The following PLCB1 variants were observed in gnomAD, a reference collection of about 807,000 sequenced individuals.
PLCB1 encodes the protein phospholipase C beta 1, also known as 1-phosphatidylinositol 4,5-bisphosphate phosphodiesterase beta-1.
A neutral mutation model predicts 161.8 loss-of-function variants in PLCB1; 46 were observed. The observed-to-expected ratio is 0.28, with a 90% CI of 0.22 to 0.36. The LOEUF (loss-of-function observed/expected upper bound fraction) is 0.36, where lower values mean the gene tolerates loss of function less well. PLCB1 is among the 10% of genes least tolerant of loss of function. The pLI is 1.00. For synonymous variants in PLCB1, 517 were observed against 503.7 expected, an observed-to-expected ratio of 1.03 and a Z score of -0.35; for missense variants, 1,016 against 1,472.5, an observed-to-expected ratio of 0.69 and a Z score of 5.07.
chr20:8,302,725 T>G (rs1445519998), intron 2 of PLCB1, among the ~76,000 whole-genome samples: 2 of 152,198 alleles, frequency 1.3e-5, no homozygotes. Context: ...ATTTTTTTAA[T>G]TTTATTTTTT....
At chr20:8,457,714 GCACACACACACACA>G (rs145581916) in intron 3 of PLCB1, among the ~76,000 whole-genome samples, 6 of 145,766 alleles carry the variant, frequency 4.1e-5, no homozygotes, top group East Asian at 2.2e-4. Flanking sequence ...ATGTGTGCGC[GCACACACACACACA>G]CACACACACA....
chr20:8,614,300 T>C (rs912701846), intron 3 of PLCB1, among the ~76,000 whole-genome samples: 8 of 152,024 alleles, frequency 5.3e-5, no homozygotes, highest in Non-Finnish European at 1.0e-4. Flanking sequence ...CAGGAATTTA[T>C]CCTAAGTAAA....
intron 31 of PLCB1, among the ~76,000 whole-genome samples, chr20:8,831,599 T>G (rs1388734755): frequency 6.6e-6 from 1 of 152,180 alleles, no homozygotes; most frequent in Non-Finnish European, 1.5e-5. Context: ...TCCTAAAAAC[T>G]AAACCCCAAA....
intron 27 of PLCB1, among the ~76,000 whole-genome samples, chr20:8,776,980 A>G (rs1295397619): frequency 6.6e-6 from 1 of 152,190 alleles, no homozygotes; most frequent in African/African-American, 2.4e-5. Context: ...CTGAGTTAAG[A>G]GGTGAAGAAC....
chr20:8,269,230 C>T (rs184940081), intron 2 of PLCB1, among the ~76,000 whole-genome samples: 230 of 152,158 alleles, frequency 1.5e-3, no homozygotes, highest in African/African-American at 4.8e-3. Flanking sequence ...GCTATCCCTA[C>T]CCCATCCCCC....
intron 9 of PLCB1, among the ~76,000 whole-genome samples, chr20:8,660,729 A>T (rs1001312603): frequency 3.9e-5 from 6 of 152,208 alleles, no homozygotes; most frequent in Non-Finnish European, 2.9e-5. Flanking sequence ...TATGAATTTC[A>T]AATCGAAAGA....
intron 2 of PLCB1, among the ~76,000 whole-genome samples, chr20:8,343,004 A>T (rs1205524744): frequency 6.6e-6 from 1 of 152,160 alleles, no homozygotes; most frequent in African/African-American, 2.4e-5. Flanking sequence ...TAAGTCAAGT[A>T]TTTGAGGGAG....
intron 9 of PLCB1, among the ~76,000 whole-genome samples, chr20:8,683,918 C>G (rs1208379006): frequency 6.6e-6 from 1 of 151,348 alleles, no homozygotes; most frequent in African/African-American, 2.4e-5. Context: ...GAGTCTCGCT[C>G]TGTCACCCAG....
chr20:8,650,760 A>AGCTATGTAAGCAATTAGTATGCT (rs1989294422), intron 7 of PLCB1, among the ~76,000 whole-genome samples: 1 of 152,196 alleles, frequency 6.6e-6, no homozygotes, highest in South Asian at 2.1e-4. Flanking sequence ...AAGATGTATA[A>AGCTATGTAAGCAATTAGTATGCT]GCTATGTAAG....
At position 8,172,099 on chromosome 20, in the gene PLCB1, A is replaced by G. The variant is rs537613285; in HGVS notation, c.177+21728A>G. Among the ~76,000 whole-genome samples the G allele has an allele frequency of 8.9e-4, 135 of 152,176 alleles. 1 individual carries two copies. Among genetic ancestry groups the G allele is most frequent in the Non-Finnish European group, 1.6e-3 (112 of 68,026 alleles). Reference sequence around the variant, plus strand: ...TATGTATAGGAATGTGCACCCTGAAATTCATTCACTTATTCAGCACAATTT... The same window carrying G: ...TATGTATAGGAATGTGCACCCTGAAGTTCATTCACTTATTCAGCACAATTT... On this transcript the variant is annotated intron_variant, in intron 2 of 31. Coordinates refer to ENST00000338037, the MANE Select transcript of PLCB1 (RefSeq NM_015192.4).
chr20:8,760,051 A>G (rs1375322955), intron 24 of PLCB1, among the ~76,000 whole-genome samples: 2 of 151,416 alleles, frequency 1.3e-5, no homozygotes, highest in Non-Finnish European at 2.9e-5. Flanking sequence ...GATTACAAGT[A>G]CCCGCCACCA....
At chr20:8,555,139 A>G (rs773101500) in intron 3 of PLCB1, among the ~76,000 whole-genome samples, 1 of 151,912 alleles carries the variant, frequency 6.6e-6, no homozygotes, top group Non-Finnish European at 1.5e-5. Context: ...TGAGTTTGAT[A>G]ATTTTTGCTG....
At chr20:8,260,516 TC>T (rs1342610894) in intron 2 of PLCB1, among the ~76,000 whole-genome samples, 1 of 152,082 alleles carries the variant, frequency 6.6e-6, no homozygotes, top group Non-Finnish European at 1.5e-5. Flanking sequence ...CTCTTACACC[TC>T]TAGTGCAGTG....
chr20:8,775,324 G>A lies in PLCB1; in HGVS notation c.3111+605G>A, dbSNP rs574479239. 2.6e-5 allele frequency among the ~76,000 whole-genome samples: 4 copies of A among 152,210 alleles called. No individual in the cohort carries two copies. The East Asian group carries it at 7.7e-4, about 29-fold the overall frequency. On this transcript the variant is annotated intron_variant, in intron 27 of 31. Transcript: ENST00000338037. The stretch of plus-strand genomic sequence containing the variant: ...ATTTTTGTTGATTCCTTGATACATA[G>A]TAGGGACACAATAAATATTTGTGAC...
intron 2 of PLCB1, among the ~76,000 whole-genome samples, chr20:8,204,996 T>A (rs1406534844): frequency 6.6e-6 from 1 of 152,210 alleles, no homozygotes; most frequent in Non-Finnish European, 1.5e-5. Context: ...TCTGTGATAA[T>A]AAGTTATTAT....
At chr20:8,252,414 A>G (rs1981194337) in intron 2 of PLCB1, among the ~76,000 whole-genome samples, 1 of 151,934 alleles carries the variant, frequency 6.6e-6, no homozygotes, top group Non-Finnish European at 1.5e-5. Context: ...ACACCAAGAA[A>G]ACTTCATACT....
At position 8,665,677 on chromosome 20, in the gene PLCB1, A is replaced by G. The variant is rs572344285; in HGVS notation, c.862+6973A>G. Among the ~76,000 whole-genome samples, 4 of 152,320 alleles carry G rather than the reference A, an allele frequency of 2.6e-5. No homozygotes were observed. The East Asian group carries it at 7.7e-4, about 29-fold the overall frequency. ...CTTGACTCTTACTATTTACTTCATTATCACTTCAATTTCCTAGTAAATTTT... is the reference window on the plus strand; with the variant it reads ...CTTGACTCTTACTATTTACTTCATTGTCACTTCAATTTCCTAGTAAATTTT... On this transcript the variant is annotated intron_variant, in intron 9 of 31. Transcript: ENST00000338037.
intron 31 of PLCB1, chr20:8,802,159 C>T (rs754735997): frequency 8.1e-6 from 13 of 1,599,314 alleles, no homozygotes; most frequent in South Asian, 6.6e-5. Flanking sequence ...TGGTGACCAC[C>T]GTCCTTCCGG....
At chr20:8,171,730 G>T (rs2051734896) in intron 2 of PLCB1, among the ~76,000 whole-genome samples, 1 of 152,126 alleles carries the variant, frequency 6.6e-6, no homozygotes, top group African/African-American at 2.4e-5. Flanking sequence ...TCTCCTTTAT[G>T]AAACGTGTGT....
Sources: allele counts gnomAD v4.1 joint callset (sites outside exome capture counted in the v4.1 genomes callset), GRCh38; gene constraint gnomAD v4.1.1; transcripts MANE v1.5; gene names NCBI Gene and HGNC (gene_info 2026-07-23, HGNC 2026-07-21).